KIF6: variants seen among roughly 807,000 people sequenced by gnomAD.
The protein encoded by KIF6 is kinesin family member 6.
KIF6 carries 106 observed loss-of-function variants against 112.7 expected under a neutral mutation model. That is an observed-to-expected ratio of 0.94 (90% CI 0.80 to 1.11). The LOEUF (loss-of-function observed/expected upper bound fraction) is 1.11. Ranked by LOEUF, KIF6 falls within the 50% of genes least tolerant of loss-of-function variation. KIF6 has a pLI of 0.00. For missense variants in KIF6, 929 were observed against 964.0 expected, an observed-to-expected ratio of 0.96 and a Z score of 0.48; for synonymous variants, 339 against 339.9, an observed-to-expected ratio of 1.00 and a Z score of 0.03.
intron 13 of KIF6, among the ~76,000 whole-genome samples, chr6:39,440,104 A>C (rs1337652606): frequency 2.8e-4 from 42 of 152,108 alleles, no homozygotes; most frequent in Admixed American, 2.8e-3. Context: ...GATGAGAAGA[A>C]GACCAGCAGG....
chr6:39,426,923 G>C (rs1416943307), intron 14 of KIF6, among the ~76,000 whole-genome samples: 1 of 152,200 alleles, frequency 6.6e-6, no homozygotes, highest in East Asian at 1.9e-4. Flanking sequence ...ATGGGGTAGA[G>C]AGGCTGAACT....
intron 9 of KIF6, among the ~76,000 whole-genome samples, chr6:39,582,298 C>T (rs918082992): frequency 6.6e-6 from 1 of 152,158 alleles, no homozygotes; most frequent in Non-Finnish European, 1.5e-5. Flanking sequence ...TAGAGACATC[C>T]TTAGGAGATT....
At chr6:39,551,717 G>T (rs1274204803) in intron 10 of KIF6, among the ~76,000 whole-genome samples, 1 of 152,126 alleles carries the variant, frequency 6.6e-6, no homozygotes, top group Non-Finnish European at 1.5e-5. Context: ...TAACTAGGAA[G>T]AATTGAGAGA....
chr6:39,424,106 T>TC, intron 14 of KIF6, among the ~76,000 whole-genome samples: 1 of 152,270 alleles, frequency 6.6e-6, no homozygotes, highest in East Asian at 1.9e-4. Context: ...TTCTCTTCCA[T>TC]CCCCCACAAC....
chr6:39,448,476 A>C (rs1046757245), intron 13 of KIF6, among the ~76,000 whole-genome samples: 4 of 152,078 alleles, frequency 2.6e-5, no homozygotes, highest in African/African-American at 9.7e-5. Context: ...TGCCCGGCCA[A>C]AATATGTTGT....
At chr6:39,617,514 T>A (rs1048895415) in intron 5 of KIF6, among the ~76,000 whole-genome samples, 2 of 152,336 alleles carry the variant, frequency 1.3e-5, no homozygotes, top group Non-Finnish European at 2.9e-5. Flanking sequence ...TTCTATTTTT[T>A]ATCTATTTGC....
intron 22 of KIF6, among the ~76,000 whole-genome samples, chr6:39,339,838 G>A (rs1050796855): frequency 7.2e-5 from 11 of 152,204 alleles, no homozygotes; most frequent in Non-Finnish European, 1.6e-4. Flanking sequence ...CCTTGGTGAA[G>A]CCTAAGAGCT....
intron 22 of KIF6, among the ~76,000 whole-genome samples, chr6:39,338,936 G>A (rs916594094): frequency 8.2e-6 from 1 of 122,394 alleles, no homozygotes; most frequent in African/African-American, 3.0e-5. Context: ...CTTGCATGCA[G>A]TAATGACAGG....
At chr6:39,531,505 T>C (rs1039845654) in intron 13 of KIF6, among the ~76,000 whole-genome samples, 4 of 152,154 alleles carry the variant, frequency 2.6e-5, no homozygotes, top group South Asian at 2.1e-4. Context: ...CAATAGTGTG[T>C]GCCTTTGGAA....
chr6:39,339,082 C>T (rs1345971520), intron 22 of KIF6, among the ~76,000 whole-genome samples: 1 of 152,048 alleles, frequency 6.6e-6, no homozygotes, highest in Non-Finnish European at 1.5e-5. Context: ...CTTTATGGGC[C>T]CCAGTTAAGT....
chr6:39,718,097 T>G (rs302583), intron 2 of KIF6, among the ~76,000 whole-genome samples: 145,811 of 151,830 alleles, frequency 0.96, 70,245 homozygotes, highest in East Asian at 1. Context: ...AGGTGTGGTG[T>G]TGCATGCCTG....
intron 3 of KIF6, among the ~76,000 whole-genome samples, chr6:39,711,342 T>C (rs534451761): frequency 6.6e-6 from 1 of 151,420 alleles, no homozygotes; most frequent in African/African-American, 2.4e-5. Flanking sequence ...TGGACATCTT[T>C]TCAACAACCC....
chr6:39,576,159 T>A (rs556009236), intron 10 of KIF6, among the ~76,000 whole-genome samples: 106 of 151,378 alleles, frequency 7.0e-4, no homozygotes, highest in Middle Eastern at 3.4e-3. Context: ...TGAGATGGAG[T>A]TTCACTCCAT....
chr6:39,639,949 C>T (rs1386309606), intron 3 of KIF6, among the ~76,000 whole-genome samples, 192 bp from the exon 4 acceptor site: 1 of 152,052 alleles, frequency 6.6e-6, no homozygotes, highest in Non-Finnish European at 1.5e-5. Flanking sequence ...CACATCAATC[C>T]TGTTCTCTAA....
intron 7 of KIF6, among the ~76,000 whole-genome samples, chr6:39,589,934 A>G (rs1781841884): frequency 6.6e-6 from 1 of 152,246 alleles, no homozygotes; most frequent in Admixed American, 6.5e-5. Flanking sequence ...TTTGACAAAT[A>G]TAAAATGTGC....
intron 10 of KIF6, among the ~76,000 whole-genome samples, chr6:39,567,950 G>A (rs1469035129): frequency 6.6e-6 from 1 of 152,198 alleles, no homozygotes; most frequent in Non-Finnish European, 1.5e-5. Flanking sequence ...TGGTCCTGGG[G>A]ACCCTGAGTA....
At chr6:39,500,077 A>G (rs1776032114) in intron 13 of KIF6, among the ~76,000 whole-genome samples, 1 of 152,158 alleles carries the variant, frequency 6.6e-6, no homozygotes, top group South Asian at 2.1e-4. Context: ...AGGGAAAGAC[A>G]GAGTAGGATG....
rs1763766405 is a variant in KIF6, at chr6:39,346,132, C to CTCTCTCT, written c.2231+343_2232-343insAGAGAGA. Among the ~76,000 whole-genome samples, 18 of 26,930 alleles carry CTCTCTCT rather than the reference C, an allele frequency of 6.7e-4. 2 individuals are homozygous for CTCTCTCT. Among genetic ancestry groups the CTCTCTCT allele is most frequent in the African/African-American group, 1.8e-3 (12 of 6,756 alleles). 17.7% of individuals were successfully genotyped at this position (26,930 alleles called of 152,430 possible). The stretch of plus-strand genomic sequence containing the variant: ...CTCCCTCTCCCTCTCCCTCCCTCTC[C>CTCTCTCT]CTCTCTCTCTCTCTCTCTCTCTCTC... On this transcript the variant is annotated intron_variant, in intron 20 of 22. Coordinates refer to ENST00000287152, the MANE Select transcript of KIF6 (RefSeq NM_145027.6).
intron 14 of KIF6, among the ~76,000 whole-genome samples, chr6:39,425,717 G>A (rs1207156077): frequency 2.0e-5 from 3 of 148,084 alleles, no homozygotes; most frequent in African/African-American, 7.5e-5. Context: ...TAAAATTGTG[G>A]AGAGGCTGAG....
Sources: gnomAD v4.1 joint callset for allele counts (sites outside exome capture counted in the v4.1 genomes callset) on GRCh38, gnomAD v4.1.1 for gene constraint, MANE v1.5 for transcripts, NCBI Gene and HGNC (gene_info 2026-07-23, HGNC 2026-07-21) for gene names.